The following GRID1 variants were observed in gnomAD, a reference collection of about 807,000 sequenced individuals.
GRID1 encodes the protein glutamate ionotropic receptor delta type subunit 1.
A neutral mutation model predicts 98.0 loss-of-function variants in GRID1; 28 were observed. The ratio of observed to expected loss-of-function variants is 0.29; its 90% CI spans 0.21 to 0.39. The LOEUF is 0.39. Ranked by LOEUF, GRID1 falls within the 10% of genes least tolerant of loss-of-function variation. The probability of loss-of-function intolerance (pLI) is 1.00; values close to 1 mark genes in which losing one functional copy is unlikely to be tolerated. For missense variants in GRID1, 1,111 were observed against 1,340.5 expected, an observed-to-expected ratio of 0.83 and a Z score of 2.67; for synonymous variants, 553 against 538.5, an observed-to-expected ratio of 1.03 and a Z score of -0.37.
chr10:86,138,511 G>GA lies in GRID1; in HGVS notation c.726+307dup, dbSNP rs368219561. Among the ~76,000 whole-genome samples the GA allele has an allele frequency of 2.7e-4, 39 of 146,616 alleles. No homozygotes were observed. In the East Asian group the frequency reaches 2.8e-3, roughly 10 times the overall value. On this transcript the variant is annotated intron_variant, in intron 4 of 15. Transcript: ENST00000327946. ...TCAACAAAGAGAGGAAAATTAAAAAGAAAAAAAAAAGGGCTGAGTCTTGCC... is the reference window on the plus strand; with the variant it reads ...TCAACAAAGAGAGGAAAATTAAAAAGAAAAAAAAAAAGGGCTGAGTCTTGCC...
chr10:86,297,639 G>A (rs1427752568), intron 2 of GRID1, among the ~76,000 whole-genome samples: 1 of 152,178 alleles, frequency 6.6e-6, no homozygotes, highest in Non-Finnish European at 1.5e-5. Context: ...CAAAAGCTTT[G>A]TAGGAAAGAA....
At chr10:85,750,694 C>T (rs1842038338) in intron 8 of GRID1, among the ~76,000 whole-genome samples, 1 of 152,084 alleles carries the variant, frequency 6.6e-6, no homozygotes, top group Admixed American at 6.5e-5. Context: ...CATCAAAAGC[C>T]TAACAAATAT....
intron 2 of GRID1, among the ~76,000 whole-genome samples, chr10:86,243,087 T>C (rs775942744): frequency 2.2e-4 from 34 of 152,232 alleles, no homozygotes; most frequent in Admixed American, 5.2e-4. Flanking sequence ...TCCAGCAGAA[T>C]GCATATCAAC....
chr10:86,300,016 A>C (rs1847658497), intron 2 of GRID1, among the ~76,000 whole-genome samples: 1 of 152,204 alleles, frequency 6.6e-6, no homozygotes, highest in Non-Finnish European at 1.5e-5. Flanking sequence ...GTGTGTTTGC[A>C]GATGTCATTA....
intron 3 of GRID1, among the ~76,000 whole-genome samples, chr10:86,200,889 A>G (rs78414778): frequency 0.043 from 6,533 of 152,296 alleles, 250 homozygotes; most frequent in African/African-American, 0.093. Flanking sequence ...ATTACATTTT[A>G]CACTAGAAAC....
chr10:86,136,303 C>T (rs1442838889), intron 4 of GRID1, among the ~76,000 whole-genome samples: 2 of 152,152 alleles, frequency 1.3e-5, no homozygotes, highest in African/African-American at 2.4e-5. Context: ...AAATGCTTTG[C>T]GTATAAGCAC....
intron 4 of GRID1, among the ~76,000 whole-genome samples, chr10:86,006,427 TG>T (rs1842861057): frequency 6.6e-6 from 1 of 152,186 alleles, no homozygotes; most frequent in Non-Finnish European, 1.5e-5. Flanking sequence ...GAGACCATTC[TG>T]GTCAACATGG....
chr10:86,360,751 A>T (rs1375968352), intron 2 of GRID1, among the ~76,000 whole-genome samples: 1 of 152,244 alleles, frequency 6.6e-6, no homozygotes, highest in Non-Finnish European at 1.5e-5. Flanking sequence ...CCATGAGGCA[A>T]ATCCTATGAT....
intron 7 of GRID1, among the ~76,000 whole-genome samples, chr10:85,854,981 C>T (rs1843095460): frequency 6.6e-6 from 1 of 152,182 alleles, no homozygotes; most frequent in Non-Finnish European, 1.5e-5. Flanking sequence ...CAGGGGCTCA[C>T]CTTAGCCTAA....
chr10:86,237,502 C>T (rs1011092118), intron 2 of GRID1, among the ~76,000 whole-genome samples: 1 of 152,140 alleles, frequency 6.6e-6, no homozygotes, highest in African/African-American at 2.4e-5. Context: ...AGTTCAAGAC[C>T]AGCCTGGCTA....
chr10:86,276,290 T>C (rs772698706), intron 2 of GRID1, among the ~76,000 whole-genome samples: 31 of 152,316 alleles, frequency 2.0e-4, no homozygotes, highest in Non-Finnish European at 2.1e-4. Context: ...TCCCTCTATA[T>C]ATGTTTATCT....
At chr10:85,696,638 T>A (rs1270426843) in intron 12 of GRID1, among the ~76,000 whole-genome samples, 1 of 152,102 alleles carries the variant, frequency 6.6e-6, no homozygotes, top group East Asian at 1.9e-4. Context: ...GCTTTGCTAA[T>A]TTTCGATGTT....
intron 3 of GRID1, among the ~76,000 whole-genome samples, chr10:86,170,965 T>C (rs1157342405): frequency 1.3e-5 from 2 of 152,116 alleles, no homozygotes; most frequent in South Asian, 2.1e-4. Context: ...TAAGCACTTC[T>C]GCTTTTCCCT....
intron 4 of GRID1, among the ~76,000 whole-genome samples, chr10:86,019,503 C>A (rs906628309): frequency 6.6e-6 from 1 of 152,264 alleles, no homozygotes; most frequent in Admixed American, 6.5e-5. Context: ...CCAACCACAC[C>A]CTGGCCAGCC....
intron 3 of GRID1, among the ~76,000 whole-genome samples, chr10:86,172,469 G>C (rs1235300516): frequency 2.0e-5 from 3 of 152,148 alleles, no homozygotes; most frequent in Non-Finnish European, 2.9e-5. Context: ...TGAGTGCAAT[G>C]CTAGGCAGTC....
chr10:86,005,312 T>C (rs1842847575), intron 4 of GRID1, among the ~76,000 whole-genome samples: 2 of 150,846 alleles, frequency 1.3e-5, no homozygotes, highest in African/African-American at 2.4e-5. Flanking sequence ...TGCTTCCCAA[T>C]AGCCAGCTCC....
At chr10:86,075,546 T>A (rs11201880) in intron 4 of GRID1, among the ~76,000 whole-genome samples, 4,787 of 152,306 alleles carry the variant, frequency 0.031, 122 homozygotes, top group Non-Finnish European at 0.049. Context: ...AGATGATACA[T>A]GTCTGTTGCA....
intron 4 of GRID1, among the ~76,000 whole-genome samples, chr10:86,134,036 G>C (rs1844878411): frequency 6.6e-6 from 1 of 152,244 alleles, no homozygotes; most frequent in Admixed American, 6.5e-5. Flanking sequence ...ATGTACGGTA[G>C]AGACAGTGGC....
chr10:85,820,023 A>AGGC (rs1842750493), intron 8 of GRID1, among the ~76,000 whole-genome samples: 5 of 90,152 alleles, frequency 5.5e-5, no homozygotes, highest in African/African-American at 3.2e-4. Context: ...GGAAGGAAGG[A>AGGC]AGGAAGGCAG....
Sources: gnomAD v4.1 joint callset for allele counts (sites outside exome capture counted in the v4.1 genomes callset) on GRCh38, gnomAD v4.1.1 for gene constraint, MANE v1.5 for transcripts, NCBI Gene and HGNC (gene_info 2026-07-23, HGNC 2026-07-21) for gene names.